KLHL22: variants seen among roughly 807,000 people sequenced by gnomAD.
KLHL22 encodes kelch-like protein 22.
Under a neutral mutation model 60.7 loss-of-function variants are expected in KLHL22, and 18 were observed. The observed-to-expected ratio is 0.30, with a 90% CI of 0.20 to 0.44. The LOEUF (loss-of-function observed/expected upper bound fraction) is 0.44, where lower values mean the gene tolerates loss of function less well. KLHL22 is among the 20% of genes least tolerant of loss of function. The pLI is 1.00. For missense variants in KLHL22, 596 were observed against 852.3 expected, an observed-to-expected ratio of 0.70 and a Z score of 3.74; for synonymous variants, 355 against 354.5, an observed-to-expected ratio of 1.00 and a Z score of -0.01.
intron 2 of KLHL22, among the ~76,000 whole-genome samples, chr22:20,476,481 C>T (rs1017365752): frequency 2.8e-5 from 4 of 141,684 alleles, no homozygotes; most frequent in Non-Finnish European, 6.0e-5. Context: ...GGCGCGATCT[C>T]GGCTCACTGC....
intron 5 of KLHL22, among the ~76,000 whole-genome samples, chr22:20,457,210 T>G (rs1267955003): frequency 1.3e-5 from 2 of 152,066 alleles, no homozygotes; most frequent in Non-Finnish European, 2.9e-5. Context: ...TTTTCCATAA[T>G]GAACATAATT....
At chr22:20,450,707 T>C (rs1340441988) in intron 5 of KLHL22, 1 of 1,415,960 alleles carries the variant, frequency 7.1e-7, no homozygotes, top group South Asian at 1.2e-5. Flanking sequence ...GAACCAGTCT[T>C]TGAGGCTGTC....
At position 20,483,152 on chromosome 22, in the gene KLHL22, C is replaced by G. The variant is rs1464322891; in HGVS notation, c.227+5833G>C. On this transcript the variant is annotated intron_variant, in intron 2 of 6. Coordinates refer to ENST00000328879, the MANE Select transcript of KLHL22 (RefSeq NM_032775.4). ...CACCTCCCTGAGGCTGTTCTACAAGCTGGCCTTCAGATTTCTCAAGGAGTC... is the reference window on the plus strand; with the variant it reads ...CACCTCCCTGAGGCTGTTCTACAAGGTGGCCTTCAGATTTCTCAAGGAGTC... 5 of 633,238 alleles carry G rather than the reference C, an allele frequency of 7.9e-6. No individual in the cohort carries two copies. In the African/African-American group the frequency reaches 9.0e-5, roughly 11 times the overall value. The allele number at this position is 633,238 out of a possible 1,614,324, so 39.2% of individuals were successfully genotyped here. A position where few individuals can be genotyped will look rare whatever the true frequency, so the allele number is the denominator to read the frequency against.
intron 2 of KLHL22, among the ~76,000 whole-genome samples, chr22:20,474,723 G>C (rs1042618518): frequency 6.6e-6 from 1 of 152,210 alleles, no homozygotes; most frequent in Non-Finnish European, 1.5e-5. Flanking sequence ...CATTTCTACA[G>C]GGGTATATTT....
intron 4 of KLHL22, among the ~76,000 whole-genome samples, chr22:20,458,576 C>T (rs1456335266): frequency 6.6e-6 from 1 of 151,002 alleles, no homozygotes; most frequent in Admixed American, 6.6e-5. Context: ...CTCATCTCAT[C>T]ATCCACATAG....
chr22:20,445,006 AGT>A (rs2052833726), intron 6 of KLHL22, among the ~76,000 whole-genome samples: 1 of 151,556 alleles, frequency 6.6e-6, no homozygotes, highest in Admixed American at 6.6e-5. Flanking sequence ...GGCTGGTATC[AGT>A]TCCTGGACTC....
chr22:20,450,974 C>G (rs1409759974), intron 5 of KLHL22: 1 of 1,593,050 alleles, frequency 6.3e-7, no homozygotes, highest in African/African-American at 1.3e-5. Context: ...CTTTTGGTGG[C>G]TGGGGGCTTC....
At chr22:20,454,160 T>A (rs780078822) in intron 5 of KLHL22, among the ~76,000 whole-genome samples, 1 of 151,994 alleles carries the variant, frequency 6.6e-6, no homozygotes, top group Non-Finnish European at 1.5e-5. Context: ...GAAACCTTCA[T>A]GATACTAAAA....
chr22:20,481,633 C>A (rs1469526192), intron 2 of KLHL22, among the ~76,000 whole-genome samples: 1 of 152,058 alleles, frequency 6.6e-6, no homozygotes, highest in Non-Finnish European at 1.5e-5. Context: ...CTTGCTCTGT[C>A]GCGCAAGCTG....
In KLHL22 at chr22:20,495,604, C is replaced by T. The variant is rs539902999; in HGVS notation, c.-34+156G>A. On this transcript the variant is annotated intron_variant, in intron 1 of 6. Coordinates refer to ENST00000328879, the MANE Select transcript of KLHL22 (RefSeq NM_032775.4). The surrounding 1 kb of genome is among the most constrained non-coding windows in gnomAD (Gnocchi z 4.6). ...CCGCCACGTCAGGCCGCGGGCTCTC[C>T]TCAGGTCGCCGCCCCCGAGCCTCCG... Among the ~76,000 whole-genome samples the T allele has an allele frequency of 1.3e-5, 2 of 150,396 alleles. No homozygotes were observed. Among genetic ancestry groups the T allele is most frequent in the African/African-American group, 4.8e-5 (2 of 41,332 alleles).
At position 20,444,000 on chromosome 22, in the gene KLHL22, G is replaced by A. The variant is rs1039079925; in HGVS notation, c.1540-1562C>T. ...CAGGAGGCAGAGGTTGCAGTGAGCT[G>A]AGACTGCACCAGTGCCCCCCAGCCT... On this transcript the variant is annotated intron_variant, in intron 6 of 6. Transcript: ENST00000328879. Among the ~76,000 whole-genome samples the A allele has an allele frequency of 2.0e-5, 3 of 149,930 alleles. No homozygotes were observed. The Admixed American group carries it at 2.0e-4, about 10-fold the overall frequency.
chr22:20,458,273 C>CTTTTTTTT (rs35379911), intron 4 of KLHL22, among the ~76,000 whole-genome samples: 10 of 76,490 alleles, frequency 1.3e-4, no homozygotes, highest in African/African-American at 2.9e-4. Flanking sequence ...TCCAATGGCT[C>CTTTTTTTT]TTTTTTTTTT....
Position 20,446,574 on chromosome 22 carries a change from T to G in KLHL22, c.1408A>C (p.Ser470Arg). 1.2e-6 allele frequency: 2 copies of G among 1,614,026 alleles called. No individual in the cohort carries two copies. The highest frequency in any genetic ancestry group is 1.7e-6 in the Non-Finnish European group (2 of 1,180,030). Reference protein sequence around the residue: ...LKETHCYDPGSNTWHTLADGP... With the variant: ...LKETHCYDPGRNTWHTLADGP... ...TCAGCCAGTGTGTGCCAAGTGTTGC[T>G]GCCTGGATCGTAGCAGTGTGTCTCT... The change falls in exon 6 of 7, where the codon AGC (serine) becomes CGC (arginine). Residue 470 changes from serine (S) to arginine (R), a missense_variant. Physicochemically the swap from Ser to Arg is moderately radical, Grantham distance 110 (BLOSUM62 -1). Coordinates refer to ENST00000328879, the MANE Select transcript of KLHL22 (RefSeq NM_032775.4).
intron 2 of KLHL22, among the ~76,000 whole-genome samples, chr22:20,488,240 G>C (rs1601392255): frequency 1.3e-5 from 2 of 152,298 alleles, no homozygotes; most frequent in East Asian, 3.9e-4. Flanking sequence ...CAGGCTTGGA[G>C]TCCCATGACA....
Position 20,471,430 on chromosome 22 carries a change from G to A in KLHL22, c.313C>T (p.Leu105=). 6.2e-7 allele frequency: 1 copy of A among 1,614,184 alleles called. No individual in the cohort carries two copies. The highest frequency in any genetic ancestry group is 8.5e-7 in the Non-Finnish European group (1 of 1,180,028). ...GVSYNAMCQI[L]HFIYTSELEL... Reference sequence around the variant, plus strand: ...AGCTCGGAGGTGTATATGAAATGTAGGATTTGGCACATAGCATTGTAGGAC... The same window carrying A: ...AGCTCGGAGGTGTATATGAAATGTAAGATTTGGCACATAGCATTGTAGGAC... Residue 105 remains leucine, a synonymous_variant, in exon 3 of 7, where the codon CTA becomes TTA. Transcript: ENST00000328879.
At chr22:20,484,075 TG>T in intron 2 of KLHL22, 2 of 982,152 alleles carry the variant, frequency 2.0e-6, no homozygotes, top group Non-Finnish European at 3.2e-6. Context: ...CAGTAGTTGG[TG>T]GAGAAGGTAG....
chr22:20,450,640 A>C, intron 5 of KLHL22: 1 of 1,581,168 alleles, frequency 6.3e-7, no homozygotes. Flanking sequence ...CATTCTTCTG[A>C]GGCAAGGAGA....
chr22:20,487,361 G>A (rs149028975), intron 2 of KLHL22, among the ~76,000 whole-genome samples: 1,536 of 150,144 alleles, frequency 0.01, 17 homozygotes, highest in Non-Finnish European at 0.015. Context: ...GGGATTACAG[G>A]CGCCCACCAC....
At chr22:20,458,191 C>A (rs1176819910) in intron 4 of KLHL22, among the ~76,000 whole-genome samples, 191 bp from the exon 5 acceptor site, 1 of 151,978 alleles carries the variant, frequency 6.6e-6, no homozygotes, top group Non-Finnish European at 1.5e-5. Context: ...AGCACAGGTG[C>A]TCCCCACCAC....
Sources: allele counts gnomAD v4.1 joint callset (sites outside exome capture counted in the v4.1 genomes callset), GRCh38; gene constraint gnomAD v4.1.1; non-coding constraint Gnocchi (gnomAD v3.1); transcripts MANE v1.5; gene names NCBI Gene and HGNC (gene_info 2026-07-23, HGNC 2026-07-21).